The following MCM10 variants were observed in gnomAD, a reference collection of about 807,000 sequenced individuals.
MCM10 encodes the protein minichromosome maintenance 10 replication initiation factor.
MCM10 carries 91 observed loss-of-function variants against 109.9 expected under a neutral mutation model. That is an observed-to-expected ratio of 0.83 (90% CI 0.70 to 0.99). The LOEUF (loss-of-function observed/expected upper bound fraction) is 0.99. MCM10 is among the 50% of genes least tolerant of loss of function. The pLI, the probability that MCM10 is intolerant of heterozygous loss-of-function variation, is 0.00. For synonymous variants in MCM10, 380 were observed against 387.2 expected (o/e 0.98, Z 0.22); for missense variants, 1,077 against 1,061.2 (o/e 1.01, Z -0.21).
Position 13,201,858 on chromosome 10 carries a change from C to T in MCM10, c.2352+324C>T, listed in dbSNP as rs1264982653. ...TCTTTCTCAGGTTTTGGCGTATCCT[C>T]GCTCAGCGTTCTCAGGCCTTGGGAC... is the stretch of plus-strand genomic sequence containing the variant. On this transcript the variant is annotated intron_variant, in intron 17 of 19. Transcript: ENST00000378714. 21 of 263,454 alleles carry T rather than the reference C, an allele frequency of 8.0e-5. 1 individual carries two copies. The highest frequency in any genetic ancestry group is 5.3e-4 in the South Asian group (9 of 16,998). 16.3% of individuals were successfully genotyped at this position (263,454 alleles called of 1,614,324 possible).
At chr10:13,181,390 C>A (rs554124793) in intron 7 of MCM10, among the ~76,000 whole-genome samples, 2 of 152,224 alleles carry the variant, frequency 1.3e-5, no homozygotes, top group East Asian at 3.9e-4. Context: ...AGTACCTGGT[C>A]CTAAGCCATT....
At chr10:13,208,743 C>T (rs114386971) in intron 18 of MCM10, among the ~76,000 whole-genome samples, 1,787 of 152,186 alleles carry the variant, frequency 0.012, 29 homozygotes, top group African/African-American at 0.041. Flanking sequence ...CACCAGAGGG[C>T]CAGCTCCTTA....
intron 13 of MCM10, among the ~76,000 whole-genome samples, 198 bp downstream of exon 13, chr10:13,192,766 A>C (rs902251302): frequency 9.5e-6 from 1 of 104,960 alleles, no homozygotes; most frequent in Non-Finnish European, 2.3e-5. Context: ...CCCAACACCA[A>C]ATGGTACAGG....
At chr10:13,183,868 G>A (rs531150355) in intron 8 of MCM10, among the ~76,000 whole-genome samples, 1 of 151,934 alleles carries the variant, frequency 6.6e-6, no homozygotes, top group East Asian at 1.9e-4. Flanking sequence ...TGGTTTTTTT[G>A]TGTGTATGTG....
chr10:13,205,935 C>A (rs2131591485), intron 18 of MCM10, among the ~76,000 whole-genome samples: 1 of 152,262 alleles, frequency 6.6e-6, no homozygotes, highest in Non-Finnish European at 1.5e-5. Flanking sequence ...GACGATGGCA[C>A]CTCTGGAGCT....
At chr10:13,177,670 G>A (rs1261756452) in intron 6 of MCM10, among the ~76,000 whole-genome samples, 1 of 151,886 alleles carries the variant, frequency 6.6e-6, no homozygotes. Flanking sequence ...TCAGGAGTTT[G>A]AGACCAGCCT....
At chr10:13,166,610 G>A (rs537928928) in intron 2 of MCM10, among the ~76,000 whole-genome samples, 10 of 146,850 alleles carry the variant, frequency 6.8e-5, no homozygotes, top group African/African-American at 2.3e-4. Flanking sequence ...ACTCCAGCCT[G>A]GGCAACAAGA....
intron 14 of MCM10, chr10:13,195,582 G>GTTTATTTA (rs71386164): frequency 0.078 from 11,621 of 148,314 alleles, 561 homozygotes; most frequent in Non-Finnish European, 0.1. Flanking sequence ...CTTTTTTTAC[G>GTTTATTTA]TTTATTTATT....
chr10:13,197,162 A>G (rs1398604577), intron 14 of MCM10, among the ~76,000 whole-genome samples: 1 of 151,996 alleles, frequency 6.6e-6, no homozygotes, highest in Admixed American at 6.6e-5. Context: ...AGCTCAAGAA[A>G]TCCACCTGCT....
intron 1 of MCM10, among the ~76,000 whole-genome samples, chr10:13,162,799 G>T (rs1253678466): frequency 1.3e-5 from 2 of 152,240 alleles, no homozygotes; most frequent in Non-Finnish European, 2.9e-5. Flanking sequence ...TTAAAAAGCG[G>T]CCAGGCGCGG....
At position 13,209,540 on chromosome 10, in the gene MCM10, G is replaced by A. The variant is rs906102185; in HGVS notation, c.*230G>A. On this transcript the variant is annotated 3_prime_UTR_variant, in exon 20 of 20. Transcript: ENST00000378714. ...GTTATCATTGTCTTTTCTAAGCTCA[G>A]TGTGGATGATTGCATTACTTCATTC... 2.3e-5 allele frequency: 13 copies of A among 568,270 alleles called. No individual in the cohort carries two copies. Among genetic ancestry groups the A allele is most frequent in the African/African-American group, 9.4e-5 (5 of 53,312 alleles). The allele number at this position is 568,270 out of a possible 1,614,324, so 35.2% of individuals were successfully genotyped here.
rs1834218786 is a variant in MCM10 at position 13,182,288 on chromosome 10, A to T, written c.931-645A>T. ...CAGGAATTCATGACCAGTCTGGGCA[A>T]CATAGTGAGACCTCATCTCTATGAA... On this transcript the variant is annotated intron_variant, in intron 7 of 19. Coordinates refer to ENST00000378714, the MANE Select transcript of MCM10 (RefSeq NM_018518.5). This position sits in a 1 kb window ranked among gnomAD's most constrained non-coding sequence, Gnocchi z 4.2. 2.6e-5 allele frequency among the ~76,000 whole-genome samples: 4 copies of T among 152,112 alleles called. No homozygotes were observed. The highest frequency in any genetic ancestry group is 2.6e-4 in the Admixed American group (4 of 15,272).
chr10:13,190,161 G>A (rs905549918), intron 10 of MCM10, among the ~76,000 whole-genome samples: 12 of 152,316 alleles, frequency 7.9e-5, no homozygotes, highest in African/African-American at 9.6e-5. Context: ...GGCAGCTACA[G>A]TTGGTCCAAG....
chr10:13,181,843 C>T (rs1834213643), intron 7 of MCM10, among the ~76,000 whole-genome samples: 1 of 152,140 alleles, frequency 6.6e-6, no homozygotes. Flanking sequence ...CTGAACTCTT[C>T]CAAGACAGGC....
chr10:13,205,854 GGGGGCAACA>G (rs1281335043), intron 18 of MCM10, among the ~76,000 whole-genome samples: 1 of 152,122 alleles, frequency 6.6e-6, no homozygotes, highest in African/African-American at 2.4e-5. Flanking sequence ...TTTTACTTTT[GGGGGCAACA>G]TCAGATACGG....
chr10:13,175,628 T>C lies in MCM10; in HGVS notation c.711T>C (p.Ser237=). 1.9e-6 allele frequency: 3 copies of C among 1,612,936 alleles called. No individual in the cohort carries two copies. The highest frequency in any genetic ancestry group is 1.7e-6 in the Non-Finnish European group (2 of 1,179,050). The part of the protein sequence containing the change: ...RGQIVGTPGS[S]GETTQPICVE... ...AAATTGTGGGGACCCCAGGAAGTTC[T>C]GGGGAAACGACTCAACCCATCTGTG... The change falls in exon 6 of 20, where the codon TCT becomes TCC. Residue 237 remains serine, a synonymous_variant. Coordinates refer to ENST00000378714, the MANE Select transcript of MCM10 (RefSeq NM_018518.5).
Position 13,209,482 on chromosome 10 carries a change from A to T in MCM10, c.*172A>T. ...TCTGCCATTGGGTTGGTTTGATACC[A>T]CATTTAACATTGACATTTAAGTGGA... On this transcript the variant is annotated 3_prime_UTR_variant, in exon 20 of 20. Transcript: ENST00000378714. 1 of 607,282 alleles carries T rather than the reference A, an allele frequency of 1.6e-6. No individual in the cohort carries two copies. Among genetic ancestry groups the T allele is most frequent in the Non-Finnish European group, 2.9e-6 (1 of 340,526 alleles). 37.6% of individuals were successfully genotyped at this position (607,282 alleles called of 1,614,324 possible).
At position 13,172,566 on chromosome 10, in the gene MCM10, C is replaced by A; in HGVS notation, c.455-62C>A. On this transcript the variant is annotated intron_variant, in intron 4 of 19. Coordinates refer to ENST00000378714, the MANE Select transcript of MCM10 (RefSeq NM_018518.5). This position sits in a 1 kb window ranked among gnomAD's most constrained non-coding sequence, Gnocchi z 5.2. ...TTTCTGCATCCAACTCCTGTCCAAA[C>A]AGCCCTTTGAACCTCTTTCTGAATG... 1 of 1,603,458 alleles carries A rather than the reference C, an allele frequency of 6.2e-7. No homozygotes were observed. Among genetic ancestry groups the A allele is most frequent in the Non-Finnish European group, 8.5e-7 (1 of 1,171,302 alleles).
chr10:13,209,027 C>A, intron 18 of MCM10, 64 bp from the exon 19 acceptor site: 1 of 1,162,828 alleles, frequency 8.6e-7, no homozygotes, highest in Non-Finnish European at 1.3e-6. Flanking sequence ...GCAGTGAGCA[C>A]CGTCGTCTTT....
Sources: allele counts gnomAD v4.1 joint callset (sites outside exome capture counted in the v4.1 genomes callset), GRCh38; gene constraint gnomAD v4.1.1; non-coding constraint Gnocchi (gnomAD v3.1); transcripts MANE v1.5; gene names NCBI Gene and HGNC (gene_info 2026-07-23, HGNC 2026-07-21).